Variants in RNF115 observed in about 807,000 individuals in gnomAD.
RNF115 encodes the protein E3 ubiquitin-protein ligase RNF115.
RNF115 carries 31 observed loss-of-function variants against 39.2 expected under a neutral mutation model. The ratio of observed to expected loss-of-function variants is 0.79; its 90% confidence interval spans 0.59 to 1.07. RNF115 has a LOEUF of 1.07. Among genes scored for constraint, RNF115 ranks in the 50% least tolerant of loss-of-function variants. The probability of loss-of-function intolerance (pLI) is 0.00; values close to 1 mark genes in which losing one functional copy is unlikely to be tolerated. For synonymous variants in RNF115, 124 were observed against 131.0 expected (o/e 0.95, Z 0.37); for missense variants, 384 against 381.7 (o/e 1.01, Z -0.05).
intron 1 of RNF115, among the ~76,000 whole-genome samples, chr1:145,789,332 CTGAAG>C (rs1279695335): frequency 6.6e-6 from 1 of 152,148 alleles, no homozygotes. Flanking sequence ...AACTCCTGAA[CTGAAG>C]TGATCTTCCT....
At chr1:145,794,502 CTT>C (rs57242475) in intron 1 of RNF115, among the ~76,000 whole-genome samples, 4 of 81,112 alleles carry the variant, frequency 4.9e-5, no homozygotes, top group South Asian at 4.9e-4. Context: ...TAATCTCTTT[CTT>C]TTTTTTTTTT....
intron 4 of RNF115, among the ~76,000 whole-genome samples, chr1:145,758,701 G>A (rs1658390648): frequency 6.6e-6 from 1 of 152,104 alleles, no homozygotes; most frequent in Non-Finnish European, 1.5e-5. Context: ...ATGAATGCTT[G>A]GAATTACGAG....
At chr1:145,816,639 G>A (rs1299406063) in intron 1 of RNF115, among the ~76,000 whole-genome samples, 14 of 138,988 alleles carry the variant, frequency 1.0e-4, no homozygotes, top group African/African-American at 1.5e-4. Context: ...AAGAAACCTA[G>A]TGAGAGCTCA....
chr1:145,792,411 GCCTCGAACTCCTGTGCTCAAGTCAT>G (rs1648716638), intron 1 of RNF115, among the ~76,000 whole-genome samples: 1 of 152,008 alleles, frequency 6.6e-6, no homozygotes, highest in South Asian at 2.1e-4. Flanking sequence ...GCTCAAGGCA[GCCTCGAACTCCTGTGCTCAAGTCAT>G]CCTCCCAAAG....
chr1:145,795,033 A>C (rs1233147299), intron 1 of RNF115, among the ~76,000 whole-genome samples: 1 of 151,364 alleles, frequency 6.6e-6, no homozygotes, highest in African/African-American at 2.4e-5. Flanking sequence ...AAAAAAAAAA[A>C]AAAAGATAGT....
chr1:145,804,666 T>C (rs987690633), intron 1 of RNF115, among the ~76,000 whole-genome samples: 6 of 152,150 alleles, frequency 3.9e-5, no homozygotes, highest in African/African-American at 1.2e-4. Context: ...TCTGAGTGAT[T>C]TGGATATGGA....
chr1:145,816,821 T>C (rs1438798696), intron 1 of RNF115, among the ~76,000 whole-genome samples: 106 of 133,456 alleles, frequency 7.9e-4, no homozygotes, highest in Non-Finnish European at 3.6e-4. Flanking sequence ...CAGGCTGGAG[T>C]ACAGTGGCAC....
At chr1:145,809,173 G>C (rs925797635) in intron 1 of RNF115, among the ~76,000 whole-genome samples, 3 of 137,662 alleles carry the variant, frequency 2.2e-5, no homozygotes, top group African/African-American at 8.4e-5. Context: ...TCTGTGCTTT[G>C]TTTTCAAGGA....
chr1:145,747,798 A>G (rs1571701466), intron 8 of RNF115, among the ~76,000 whole-genome samples, 197 bp downstream of exon 8: 1 of 152,234 alleles, frequency 6.6e-6, no homozygotes, highest in Admixed American at 6.5e-5. Context: ...TTTATTTACA[A>G]TAACAGGTGG....
rs782132896 is a variant in RNF115, at chr1:145,747,013, A to G, written c.784-16T>C. ...ATGTGTCATGCTGAAACAGAAAAAT[A>G]TTAGTCTATGTGAAGATCCTGGCCT... On this transcript the variant is annotated splice_polypyrimidine_tract_variant and intron_variant, in intron 8 of 8. Transcript: ENST00000582693. The G allele has an allele frequency of 3.1e-6, 5 of 1,606,820 alleles. No individual in the cohort carries two copies. The highest frequency in any genetic ancestry group is 4.3e-6 in the Non-Finnish European group (5 of 1,174,866).
chr1:145,788,697 T>A (rs587697708), intron 2 of RNF115: 11 of 670,700 alleles, frequency 1.6e-5, no homozygotes, highest in South Asian at 1.5e-4. Flanking sequence ...TGCTATGATA[T>A]CACTTTCCAA....
chr1:145,794,701 G>C (rs115397594), intron 1 of RNF115, among the ~76,000 whole-genome samples: 3,545 of 151,222 alleles, frequency 0.023, 158 homozygotes, highest in African/African-American at 0.082. Flanking sequence ...GGACCCTCCC[G>C]GTGAGTGTTA....
At chr1:145,766,069 G>A (rs890628345) in intron 4 of RNF115, among the ~76,000 whole-genome samples, 6 of 151,880 alleles carry the variant, frequency 4.0e-5, no homozygotes, top group African/African-American at 1.2e-4. Context: ...AGGGTCATAG[G>A]ACAATAGTGG....
chr1:145,794,972 G>A (rs1314548850), intron 1 of RNF115, among the ~76,000 whole-genome samples: 2 of 145,860 alleles, frequency 1.4e-5, no homozygotes, highest in African/African-American at 2.6e-5. Flanking sequence ...AGCCTAGATC[G>A]CGCCACCGCA....
chr1:145,791,512 C>CAAAAAA (rs1180971080), intron 1 of RNF115, among the ~76,000 whole-genome samples: 1 of 106,072 alleles, frequency 9.4e-6, no homozygotes. Flanking sequence ...AACTCCACCT[C>CAAAAAA]AAAAAAAAAA....
chr1:145,739,974 T>C lies in RNF115; in HGVS notation c.*6892A>G, dbSNP rs1002856856. Reference sequence around the variant, plus strand: ...TCTTTCCACAGAATTGTTCTGAGAATCAAAATGAGAGTCTGGATTTGGGAC... The same window carrying C: ...TCTTTCCACAGAATTGTTCTGAGAACCAAAATGAGAGTCTGGATTTGGGAC... On this transcript the variant is annotated 3_prime_UTR_variant, in exon 9 of 9. Transcript: ENST00000582693. 11 of 152,204 alleles carry C rather than the reference T, an allele frequency of 7.2e-5. No individual in the cohort carries two copies. The highest frequency in any genetic ancestry group is 2.7e-4 in the African/African-American group (11 of 41,454). 9.4% of individuals were successfully genotyped at this position (152,204 alleles called of 1,614,324 possible).
chr1:145,750,385 A>G (rs782647070), intron 7 of RNF115, 22 bp downstream of exon 7: 15 of 1,551,568 alleles, frequency 9.7e-6, no homozygotes, highest in Non-Finnish European at 1.2e-5. Flanking sequence ...AGATGACAGA[A>G]TAAGTATAAA....
Position 145,794,491 on chromosome 1 carries a change from C to G in RNF115, c.103-5525G>C, listed in dbSNP as rs587697857. On this transcript the variant is annotated intron_variant, in intron 1 of 8. Transcript: ENST00000582693. ...TAACTTTCTGCATGGCAAGGGGCAT[C>G]TAATCTCTTTCTTTTTTTTTTTTTT... Among the ~76,000 whole-genome samples, 7 of 139,648 alleles carry G rather than the reference C, an allele frequency of 5.0e-5. No homozygotes were observed. In the East Asian group the frequency reaches 1.5e-3, roughly 30 times the overall value. 91.6% of individuals were successfully genotyped at this position (139,648 alleles called of 152,430 possible). A position where few individuals can be genotyped will look rare whatever the true frequency, so the allele number is the denominator to read the frequency against.
intron 6 of RNF115, 54 bp downstream of exon 6, chr1:145,751,384 C>G: frequency 8.2e-7 from 1 of 1,226,218 alleles, no homozygotes; most frequent in African/African-American, 1.5e-5. Flanking sequence ...AAGCAGGAAG[C>G]CTGTGGAACC....
Sources: gnomAD v4.1 joint callset for allele counts (sites outside exome capture counted in the v4.1 genomes callset) on GRCh38, gnomAD v4.1.1 for gene constraint, MANE v1.5 for transcripts, NCBI Gene and HGNC (gene_info 2026-07-23, HGNC 2026-07-21) for gene names.